Variants in GMPR observed in about 807,000 individuals in gnomAD.
GMPR encodes the protein GMP reductase 1.
GMPR carries 31 observed loss-of-function variants against 38.4 expected under a neutral mutation model. The ratio of observed to expected loss-of-function variants is 0.81; its 90% confidence interval spans 0.61 to 1.09. The LOEUF (loss-of-function observed/expected upper bound fraction) is 1.09. Among genes scored for constraint, GMPR ranks in the 50% least tolerant of loss-of-function variants. GMPR has a pLI of 0.00. For synonymous variants in GMPR, 162 were observed against 173.3 expected, an observed-to-expected ratio of 0.93 and a Z score of 0.51; for missense variants, 468 against 453.7, an observed-to-expected ratio of 1.03 and a Z score of -0.29.
At chr6:16,291,578 T>C in intron 8 of GMPR, among the ~76,000 whole-genome samples, 1 of 152,054 alleles carries the variant, frequency 6.6e-6, no homozygotes, top group East Asian at 1.9e-4. Flanking sequence ...CTTTTCCTGA[T>C]TCCCTTCCAT....
intron 4 of GMPR, among the ~76,000 whole-genome samples, chr6:16,271,395 A>T (rs1759383169): frequency 6.6e-6 from 1 of 152,208 alleles, no homozygotes; most frequent in Admixed American, 6.5e-5. Context: ...CTGAGGCAGG[A>T]GAATCGCTTG....
intron 2 of GMPR, among the ~76,000 whole-genome samples, chr6:16,249,141 C>G (rs118096757): frequency 6.6e-6 from 1 of 151,900 alleles, no homozygotes; most frequent in African/African-American, 2.4e-5. Flanking sequence ...TCCTCTTCCC[C>G]GCCATGCAGT....
chr6:16,289,105 T>C (rs1217465623), intron 7 of GMPR, among the ~76,000 whole-genome samples: 2 of 152,350 alleles, frequency 1.3e-5, no homozygotes, highest in East Asian at 1.9e-4. Context: ...TAGATTCTGT[T>C]GCTGCTCGGT....
At chr6:16,289,900 C>A (rs914043603) in intron 7 of GMPR, 1 of 107,060 alleles carries the variant, frequency 9.3e-6, no homozygotes, top group Non-Finnish European at 1.7e-5. Context: ...GACGGAGTCT[C>A]CCTCTGTTGC....
At chr6:16,279,809 C>T (rs774144514) in intron 6 of GMPR, among the ~76,000 whole-genome samples, 5 of 152,134 alleles carry the variant, frequency 3.3e-5, no homozygotes, top group African/African-American at 4.8e-5. Context: ...GGGACTTCTC[C>T]AAGAGCACTA....
intron 3 of GMPR, among the ~76,000 whole-genome samples, chr6:16,251,866 AC>A (rs1342954324): frequency 1.3e-5 from 2 of 152,296 alleles, no homozygotes; most frequent in East Asian, 3.9e-4. Context: ...TTAAAAAAAA[AC>A]AACAGAAAGC....
At chr6:16,244,593 G>A (rs56160010) in intron 1 of GMPR, among the ~76,000 whole-genome samples, 32,415 of 151,894 alleles carry the variant, frequency 0.21, 3,767 homozygotes, top group African/African-American at 0.3. Context: ...AGAGATGTGT[G>A]TTTGTGGGTG....
intron 7 of GMPR, among the ~76,000 whole-genome samples, chr6:16,286,765 G>A (rs1271682649): frequency 1.3e-5 from 2 of 151,974 alleles, no homozygotes; most frequent in African/African-American, 4.8e-5. Flanking sequence ...AAATACCGGG[G>A]TGTGGTGGTG....
intron 7 of GMPR, among the ~76,000 whole-genome samples, chr6:16,288,449 G>A (rs1305702620): frequency 3.3e-5 from 5 of 152,346 alleles, no homozygotes; most frequent in South Asian, 2.1e-4. Context: ...CCAGCCCACT[G>A]GCGCTGCGCT....
At chr6:16,239,995 C>T (rs1363843046) in intron 1 of GMPR, among the ~76,000 whole-genome samples, 3 of 152,262 alleles carry the variant, frequency 2.0e-5, no homozygotes, top group African/African-American at 7.2e-5. Flanking sequence ...TCTCTTGGAA[C>T]AAAAACAGTT....
chr6:16,254,827 C>T, intron 4 of GMPR, 92 bp downstream of exon 4: 1 of 875,458 alleles, frequency 1.1e-6, no homozygotes, highest in Non-Finnish European at 1.8e-6. Flanking sequence ...GTATCCTCTT[C>T]AGAGCTTTTG....
chr6:16,276,747 T>A (rs1759479873), intron 5 of GMPR, among the ~76,000 whole-genome samples: 1 of 152,216 alleles, frequency 6.6e-6, no homozygotes, highest in African/African-American at 2.4e-5. Context: ...GCATATTACA[T>A]ATCTAAATGA....
chr6:16,250,319 C>A lies in GMPR; in HGVS notation c.243C>A (p.Ser81=). The A allele has an allele frequency of 6.2e-7, 1 of 1,610,532 alleles. No individual in the cohort carries two copies. The change falls in exon 3 of 9, where the codon TCC becomes TCA. Residue 81 remains serine (S), a synonymous_variant. Coordinates refer to ENST00000259727, the MANE Select transcript of GMPR (RefSeq NM_006877.4). ...SMFTAIHKHY[S]LDDWKLFATN... is the part of the protein sequence containing the mutation. ...TTACAGCAATTCATAAGCATTACTC[C>A]CTGGATGACTGGAAGCTCTTTGCCA...
At position 16,268,885 on chromosome 6, in the gene GMPR, TTAAA is replaced by T. The variant is rs370948005; in HGVS notation, c.466-5529_466-5526del. Among the ~76,000 whole-genome samples the T allele has an allele frequency of 5.7e-4, 86 of 151,438 alleles. No homozygotes were observed. In the East Asian group the frequency reaches 0.015, roughly 26 times the overall value. On this transcript the variant is annotated intron_variant, in intron 4 of 8. Coordinates refer to ENST00000259727, the MANE Select transcript of GMPR (RefSeq NM_006877.4). The stretch of plus-strand genomic sequence containing the variant: ...CTAACAAATTTTATATTACATAAAT[TTAAA>T]ATAAATATGAATTATTTTAAATTAA...
chr6:16,283,625 C>T (rs1759616921), intron 6 of GMPR, among the ~76,000 whole-genome samples: 1 of 152,184 alleles, frequency 6.6e-6, no homozygotes, highest in Non-Finnish European at 1.5e-5. Context: ...GTTGTATTAA[C>T]TGTGGATCTC....
At chr6:16,276,983 C>A (rs1381211029) in intron 5 of GMPR, among the ~76,000 whole-genome samples, 2 of 152,182 alleles carry the variant, frequency 1.3e-5, no homozygotes, top group Admixed American at 1.3e-4. Context: ...TTTATAGAGC[C>A]CTCACTACTA....
At chr6:16,257,792 C>G (rs990805048) in intron 4 of GMPR, among the ~76,000 whole-genome samples, 1 of 152,238 alleles carries the variant, frequency 6.6e-6, no homozygotes, top group African/African-American at 2.4e-5. Context: ...CTTGGAACCT[C>G]TCTTGTGAGG....
intron 6 of GMPR, 70 bp from the exon 7 acceptor site, chr6:16,285,723 C>G: frequency 1.5e-6 from 2 of 1,335,934 alleles, no homozygotes; most frequent in Non-Finnish European, 2.1e-6. Flanking sequence ...ACTAGGTCAT[C>G]TGGGGGGAGG....
intron 4 of GMPR, among the ~76,000 whole-genome samples, chr6:16,266,473 G>A (rs1184982166): frequency 4.5e-5 from 5 of 112,162 alleles, no homozygotes; most frequent in Non-Finnish European, 7.0e-5. Context: ...AACACTTCCT[G>A]TGGAAAAGGT....
Sources: allele counts gnomAD v4.1 joint callset (sites outside exome capture counted in the v4.1 genomes callset), GRCh38; gene constraint gnomAD v4.1.1; transcripts MANE v1.5; gene names NCBI Gene and HGNC (gene_info 2026-07-23, HGNC 2026-07-21).